Variants in PIEZO2 observed in about 807,000 individuals in gnomAD.
PIEZO2 encodes piezo-type mechanosensitive ion channel component 2.
PIEZO2 carries 172 observed loss-of-function variants against 337.3 expected under a neutral mutation model. The ratio of observed to expected loss-of-function variants is 0.51; its 90% CI spans 0.45 to 0.58. The LOEUF (loss-of-function observed/expected upper bound fraction) is 0.58, where lower values mean the gene tolerates loss of function less well. Ranked by LOEUF, PIEZO2 falls within the 20% of genes least tolerant of loss-of-function variation. PIEZO2 has a pLI of 0.00. For synonymous variants in PIEZO2, 1,251 were observed against 1,228.5 expected (o/e 1.02, Z -0.38); for missense variants, 3,028 against 3,391.3 (o/e 0.89, Z 2.66).
At chr18:11,059,513 T>A (rs552922960) in intron 2 of PIEZO2, among the ~76,000 whole-genome samples, 9 of 152,030 alleles carry the variant, frequency 5.9e-5, no homozygotes, top group Non-Finnish European at 1.5e-5. Context: ...AGGAAACCCA[T>A]CTCATGTGCA....
At chr18:10,786,406 T>C (rs571984002) in intron 16 of PIEZO2, among the ~76,000 whole-genome samples, 1 of 152,352 alleles carries the variant, frequency 6.6e-6, no homozygotes, top group South Asian at 2.1e-4. Context: ...TGTGTTGGTG[T>C]AGTTACACAG....
At position 11,017,092 on chromosome 18, in the gene PIEZO2, C is replaced by T. The variant is rs1982727; in HGVS notation, c.161-37432G>A. On this transcript the variant is annotated intron_variant, in intron 2 of 55. Transcript: ENST00000674853. ...AAACATCTAAAAGAATTTCTAGGGA[C>T]GAGGGATGAGACTTAACTTTGAGAT... Among the ~76,000 whole-genome samples, 1,049 of 152,062 alleles carry T rather than the reference C, an allele frequency of 6.9e-3. 14 individuals are homozygous for T. Among genetic ancestry groups the T allele is most frequent in the African/African-American group, 0.024 (979 of 41,410 alleles).
intron 3 of PIEZO2, among the ~76,000 whole-genome samples, chr18:10,939,324 G>A (rs1424896695): frequency 6.6e-6 from 1 of 152,180 alleles, no homozygotes; most frequent in African/African-American, 2.4e-5. Flanking sequence ...GAGGCCTGTA[G>A]TTTGCTAGTT....
rs2143967794 is a variant in PIEZO2, at chr18:10,770,176, G to A, written c.2918C>T (p.Ser973Phe). Residue 973 changes from serine to phenylalanine, a missense_variant, in exon 21 of 56, where the codon TCT becomes TTT. Physicochemically the swap from Ser to Phe is radical, Grantham distance 155. This residue lies in a region of PIEZO2 where 1,925 missense variants were observed against 2,051.9 expected (regional missense o/e 0.94). Coordinates refer to ENST00000674853, the MANE Select transcript of PIEZO2 (RefSeq NM_001378183.1). ...TTTCACAGAAACCCAGATAATGTAA[G>A]AGGAAACGATTTTGATGATGTGCAA... ...LELHIIKIVS[S>F]YIIWVSVKEV... is the part of the protein sequence containing the mutation. 2 of 1,537,210 alleles carry A rather than the reference G, an allele frequency of 1.3e-6. No homozygotes were observed. The highest frequency in any genetic ancestry group is 1.7e-6 in the Non-Finnish European group (2 of 1,146,926).
rs983463875 is a variant in PIEZO2 at position 10,962,464 on chromosome 18, C to T, written c.286+17071G>A. ...GATCCCAGGAGCTGCACGCAGGGCT[C>T]GCTCCTTGCTCCTTGGTGTAGAGTT... On this transcript the variant is annotated intron_variant, in intron 3 of 55. Coordinates refer to ENST00000674853, the MANE Select transcript of PIEZO2 (RefSeq NM_001378183.1). The surrounding 1 kb of genome is among the most constrained non-coding windows in gnomAD (Gnocchi z 4.1). Among the ~76,000 whole-genome samples, 5 of 152,176 alleles carry T rather than the reference C, an allele frequency of 3.3e-5. No individual in the cohort carries two copies. Among genetic ancestry groups the T allele is most frequent in the African/African-American group, 9.7e-5 (4 of 41,440 alleles).
At chr18:10,786,767 C>T (rs570199986) in intron 16 of PIEZO2, among the ~76,000 whole-genome samples, 123 of 152,306 alleles carry the variant, frequency 8.1e-4, no homozygotes, top group African/African-American at 2.8e-3. Context: ...GCAGAAAGCA[C>T]GACTAAGTGT....
Position 11,066,110 on chromosome 18 carries a change from T to A in PIEZO2, c.160+17A>T. The A allele has an allele frequency of 2.6e-6, 4 of 1,510,896 alleles. No homozygotes were observed. Among genetic ancestry groups the A allele is most frequent in the Non-Finnish European group, 2.7e-6 (3 of 1,122,980 alleles). The allele number at this position is 1,510,896 out of a possible 1,614,324, so 93.6% of individuals were successfully genotyped here. A position where few individuals can be genotyped will look rare whatever the true frequency, so the allele number is the denominator to read the frequency against. On this transcript the variant is annotated intron_variant, in intron 2 of 55. Transcript: ENST00000674853. ...GACTGTATAACTCTGTGGTATACGA[T>A]AACAAAATTCTCTTACCTTGCATCG...
rs137951479 is a variant in PIEZO2 at position 10,877,842 on chromosome 18, T to A, written c.330-6427A>T. Among the ~76,000 whole-genome samples the A allele has an allele frequency of 4.6e-3, 696 of 152,184 alleles. 6 individuals carry two copies. Among genetic ancestry groups the A allele is most frequent in the African/African-American group, 0.016 (668 of 41,494 alleles). ...TAAGCGTGACAAGGGGCCCTCCACA[T>A]CCCAGATCTGGTTTCCCTTATCTCT... On this transcript the variant is annotated intron_variant, in intron 4 of 55. Coordinates refer to ENST00000674853, the MANE Select transcript of PIEZO2 (RefSeq NM_001378183.1). The surrounding 1 kb of genome is among the most constrained non-coding windows in gnomAD (Gnocchi z 5.3).
At chr18:10,798,145 T>C (rs1018995179) in intron 11 of PIEZO2, among the ~76,000 whole-genome samples, 14 of 152,340 alleles carry the variant, frequency 9.2e-5, no homozygotes, top group African/African-American at 2.4e-4. Flanking sequence ...TCAGCTGAGA[T>C]AGCAGCTTGA....
chr18:10,879,187 G>T lies in PIEZO2; in HGVS notation c.330-7772C>A, dbSNP rs1350040116. On this transcript the variant is annotated intron_variant, in intron 4 of 55. Coordinates refer to ENST00000674853, the MANE Select transcript of PIEZO2 (RefSeq NM_001378183.1). ...TTAAATTTTATTTCAAGCCAATTCT[G>T]CACAGAATCAGGCTAACCAGGTTTT... Among the ~76,000 whole-genome samples, 4 of 152,156 alleles carry T rather than the reference G, an allele frequency of 2.6e-5. No homozygotes were observed. The South Asian group carries it at 8.3e-4, about 31-fold the overall frequency.
chr18:10,748,833 T>C lies in PIEZO2; in HGVS notation c.4265-203A>G, dbSNP rs2037529369. 2.0e-5 allele frequency among the ~76,000 whole-genome samples: 3 copies of C among 152,184 alleles called. No individual in the cohort carries two copies. The highest frequency in any genetic ancestry group is 7.2e-5 in the African/African-American group (3 of 41,434). On this transcript the variant is annotated intron_variant, in intron 29 of 55. Transcript: ENST00000674853. The surrounding 1 kb of genome is among the most constrained non-coding windows in gnomAD (Gnocchi z 5.1). ...CAACACTGATTCATAAGGCTGACCA[T>C]GCATTGAACTCTTCACACTACAAGG... is the stretch of plus-strand genomic sequence containing the variant.
intron 1 of PIEZO2, among the ~76,000 whole-genome samples, chr18:11,100,612 T>G (rs897096260): frequency 6.6e-6 from 1 of 152,202 alleles, no homozygotes; most frequent in Non-Finnish European, 1.5e-5. Flanking sequence ...TCTTTTTTTT[T>G]TGAGACGGAG....
In PIEZO2 at chr18:11,101,747, A is replaced by T. The variant is rs926260246; in HGVS notation, c.65-35525T>A. 2.6e-5 allele frequency among the ~76,000 whole-genome samples: 4 copies of T among 152,162 alleles called. No homozygotes were observed. The highest frequency in any genetic ancestry group is 2.4e-5 in the African/African-American group (1 of 41,450). On this transcript the variant is annotated intron_variant, in intron 1 of 55. Coordinates refer to ENST00000674853, the MANE Select transcript of PIEZO2 (RefSeq NM_001378183.1). This position sits in a 1 kb window ranked among gnomAD's most constrained non-coding sequence, Gnocchi z 4.4. ...TTTTTCTCTTAGGTTATTGTTTTTT[A>T]AAAAATGCTAGATTGATAAATATCC... is the stretch of plus-strand genomic sequence containing the variant.
rs1568059694 is a variant in PIEZO2 at position 10,789,307 on chromosome 18, TTCCTCTTCTTCC to T, written c.1929_1940del (p.Glu644_Glu647del). ...TTCTCTCTTGCTTCTCTTCCTTCGC[TTCCTCTTCTTCC>T]TCCTCTTTGGGCTCTCCTTCCACTT... On this transcript the variant is annotated inframe_deletion, in exon 15 of 56. Coordinates refer to ENST00000674853, the MANE Select transcript of PIEZO2 (RefSeq NM_001378183.1). 1.3e-6 allele frequency: 2 copies of T among 1,537,350 alleles called. No individual in the cohort carries two copies. The highest frequency in any genetic ancestry group is 2.4e-5 in the South Asian group (2 of 84,064).
chr18:10,925,527 A>G (rs2031674161), intron 3 of PIEZO2, among the ~76,000 whole-genome samples: 1 of 152,238 alleles, frequency 6.6e-6, no homozygotes, highest in Admixed American at 6.5e-5. Context: ...CATGAAGAAA[A>G]TAAAGAGGGA....
At chr18:11,075,145 G>A (rs962436716) in intron 1 of PIEZO2, among the ~76,000 whole-genome samples, 4 of 152,166 alleles carry the variant, frequency 2.6e-5, no homozygotes, top group South Asian at 2.1e-4. Context: ...ACTTTAAAAC[G>A]AACTGACAAA....
intron 4 of PIEZO2, among the ~76,000 whole-genome samples, chr18:10,901,385 G>C (rs2043042731): frequency 6.6e-6 from 1 of 151,802 alleles, no homozygotes; most frequent in Non-Finnish European, 1.5e-5. Context: ...AACAGGGTGT[G>C]AAGCAGGGAA....
chr18:10,719,681 A>T (rs1053444526), intron 36 of PIEZO2, among the ~76,000 whole-genome samples: 3 of 152,170 alleles, frequency 2.0e-5, no homozygotes, highest in African/African-American at 7.2e-5. Context: ...GTACCTTTTT[A>T]ATATAATGAT....
rs750783973 is a variant in PIEZO2, at chr18:10,691,239, G to T, written c.7335C>A (p.Leu2445=). The change falls in exon 48 of 56, where the codon CTC becomes CTA. Residue 2445 remains leucine, a synonymous_variant. Transcript: ENST00000674853. The part of the protein sequence containing the change: ...FLTKSYNYVN[L]FLFQGFRLVP... Reference sequence around the variant, plus strand: ...GAGCGTCCTACCCTTGGAATAAGAAGAGGTTGACGTAATTGTAGCTCTTGG... The same window carrying T: ...GAGCGTCCTACCCTTGGAATAAGAATAGGTTGACGTAATTGTAGCTCTTGG... The T allele has an allele frequency of 3.7e-6, 6 of 1,613,682 alleles. No homozygotes were observed. The highest frequency in any genetic ancestry group is 4.2e-6 in the Non-Finnish European group (5 of 1,179,918).
Sources: allele counts gnomAD v4.1 joint callset (sites outside exome capture counted in the v4.1 genomes callset), GRCh38; gene constraint gnomAD v4.1.1; regional missense constraint gnomAD v4.1.1; non-coding constraint Gnocchi (gnomAD v3.1); transcripts MANE v1.5; gene names NCBI Gene and HGNC (gene_info 2026-07-23, HGNC 2026-07-21).